Variants in PIEZO1 observed in about 807,000 individuals in gnomAD.
The protein encoded by PIEZO1 is piezo-type mechanosensitive ion channel component 1.
A neutral mutation model predicts 297.2 loss-of-function variants in PIEZO1; 296 were observed. That is an observed-to-expected ratio of 1.00 (90% CI 0.91 to 1.10). PIEZO1 has a LOEUF of 1.10. PIEZO1 is among the 50% of genes least tolerant of loss of function. PIEZO1 has a pLI of 0.00. For missense variants in PIEZO1, 5,018 were observed against 3,455.5 expected (o/e 1.45, Z -11.34); for synonymous variants, 2,427 against 1,507.5 (o/e 1.61, Z -14.13).
chr16:88,783,030 G>A (rs895958891), intron 1 of PIEZO1, among the ~76,000 whole-genome samples: 1 of 152,216 alleles, frequency 6.6e-6, no homozygotes, highest in African/African-American at 2.4e-5. Flanking sequence ...TTAGGTTTAA[G>A]GAAAGTACCA....
rs959317023 is a variant in PIEZO1 at position 88,784,821 on chromosome 16, G to A, written c.64+80C>T. The A allele has an allele frequency of 7.6e-5, 80 of 1,049,738 alleles. 2 individuals are homozygous for A. The highest frequency in any genetic ancestry group is 5.1e-5 in the South Asian group (3 of 58,376). 65.0% of individuals were successfully genotyped at this position (1,049,738 alleles called of 1,614,324 possible). On this transcript the variant is annotated intron_variant, in intron 1 of 50. Transcript: ENST00000301015. ...CTCGCCCGCAGCCCTCGCCCCGGCC[G>A]GCGTCGTCCGGTGTCCAGGCCGTGG...
At chr16:88,727,703 T>G in intron 22 of PIEZO1, 42 bp from the exon 23 acceptor site, 1 of 1,073,832 alleles carries the variant, frequency 9.3e-7, no homozygotes. Context: ...CGGGCCTGCC[T>G]GGGGCCTGAG....
intron 39 of PIEZO1, 110 bp downstream of exon 39, chr16:88,721,056 A>C (rs1912400520): frequency 8.8e-7 from 1 of 1,138,646 alleles, no homozygotes; most frequent in Non-Finnish European, 1.2e-6. Flanking sequence ...CCTGGGATCC[A>C]GGTGGGCCTC....
At chr16:88,739,434 C>G (rs1454866770) in intron 5 of PIEZO1, 1 of 152,262 alleles carries the variant, frequency 6.6e-6, no homozygotes, top group Non-Finnish European at 1.5e-5. Flanking sequence ...TGCCCTGGCT[C>G]TGGCCTGGCT....
At chr16:88,781,585 C>T (rs1200273848) in intron 1 of PIEZO1, among the ~76,000 whole-genome samples, 1 of 152,258 alleles carries the variant, frequency 6.6e-6, no homozygotes, top group African/African-American at 2.4e-5. Flanking sequence ...GGCCCCCAAG[C>T]CACAGAGGAA....
intron 12 of PIEZO1, 53 bp downstream of exon 12, chr16:88,736,095 C>G: frequency 6.7e-7 from 1 of 1,489,622 alleles, no homozygotes; most frequent in Non-Finnish European, 9.0e-7. Context: ...AGGACGACAA[C>G]CCTGATGGGT....
intron 16 of PIEZO1, 21 bp from the exon 17 acceptor site, chr16:88,734,075 G>A (rs1239497880): frequency 6.7e-7 from 1 of 1,488,582 alleles, no homozygotes; most frequent in Admixed American, 2.3e-5. Flanking sequence ...GTCCGAAAAT[G>A]TCATCTCCCA....
chr16:88,732,448 G>A lies in PIEZO1; in HGVS notation c.2878C>T (p.Pro960Ser). 6.5e-7 allele frequency: 1 copy of A among 1,549,566 alleles called. No individual in the cohort carries two copies. The highest frequency in any genetic ancestry group is 1.4e-5 in the African/African-American group (1 of 73,130). Residue 960 changes from proline to serine, a missense_variant, in exon 21 of 51, where the codon CCG (proline) becomes TCG (serine). By Grantham distance (74) the Pro-to-Ser change is moderately conservative. Coordinates refer to ENST00000301015, the MANE Select transcript of PIEZO1 (RefSeq NM_001142864.4). Reference sequence around the variant, plus strand: ...GCAAACACGGCCTGGGCAGGCAGCGGGGCCAGCTGGTGCTGCCGGCGGTAG... The same window carrying A: ...GCAAACACGGCCTGGGCAGGCAGCGAGGCCAGCTGGTGCTGCCGGCGGTAG... ...EHYRRQHQLAPLPAQAVFASG... is the reference protein window; with the variant it reads ...EHYRRQHQLASLPAQAVFASG...
At chr16:88,757,257 G>A (rs8047820) in intron 1 of PIEZO1, among the ~76,000 whole-genome samples, 26,779 of 147,434 alleles carry the variant, frequency 0.18, 2,538 homozygotes, top group Middle Eastern at 0.23. Flanking sequence ...GAGGGACCTC[G>A]AGAGAGCTGG....
At chr16:88,774,988 G>C (rs1907592988) in intron 1 of PIEZO1, among the ~76,000 whole-genome samples, 1 of 152,228 alleles carries the variant, frequency 6.6e-6, no homozygotes, top group African/African-American at 2.4e-5. Flanking sequence ...CTGGGAGGCA[G>C]GCTCACTTTG....
intron 1 of PIEZO1, among the ~76,000 whole-genome samples, chr16:88,759,785 G>C (rs1462447827): frequency 2.0e-5 from 3 of 152,180 alleles, no homozygotes; most frequent in Non-Finnish European, 4.4e-5. Context: ...GACGCCCCGT[G>C]CAGCGTTCAC....
intron 18 of PIEZO1, 58 bp downstream of exon 18, chr16:88,733,530 T>G: frequency 1.3e-6 from 2 of 1,527,698 alleles, no homozygotes; most frequent in Middle Eastern, 1.7e-4. Flanking sequence ...GGAGGCCAGC[T>G]GGGCAGGCCA....
rs1031839737 is a variant in PIEZO1, at chr16:88,725,747, G to A, written c.3969-63C>T. 110 of 845,738 alleles carry A rather than the reference G, an allele frequency of 1.3e-4. 1 individual carries two copies. Among genetic ancestry groups the A allele is most frequent in the East Asian group, 1.9e-4 (7 of 37,760 alleles). The allele number at this position is 845,738 out of a possible 1,614,324, so 52.4% of individuals were successfully genotyped here. ...CTCGACCCCAGCAACATGGGCAGCC[G>A]CCGCTCCCCGCTCAGCCCGGGACAG... is the stretch of plus-strand genomic sequence containing the variant. On this transcript the variant is annotated intron_variant, in intron 27 of 50. Transcript: ENST00000301015.
At chr16:88,722,110 A>T (rs1255698822) in intron 36 of PIEZO1, 44 bp from the exon 37 acceptor site, 2 of 1,530,292 alleles carry the variant, frequency 1.3e-6, no homozygotes, top group East Asian at 2.5e-5. Context: ...GGACTGCCCG[A>T]AGGCATGACG....
chr16:88,716,951 T>A, intron 45 of PIEZO1, 53 bp from the exon 46 acceptor site: 2 of 1,546,218 alleles, frequency 1.3e-6, no homozygotes, highest in Non-Finnish European at 1.7e-6. Context: ...GAGGAGCGGC[T>A]GGGGGTGGTG....
chr16:88,776,749 C>T (rs1907684051), intron 1 of PIEZO1, among the ~76,000 whole-genome samples: 1 of 152,214 alleles, frequency 6.6e-6, no homozygotes, highest in Non-Finnish European at 1.5e-5. Flanking sequence ...TGGGGCTGGA[C>T]CCTGGCTCGG....
At chr16:88,730,303 A>G (rs1227976570) in intron 22 of PIEZO1, among the ~76,000 whole-genome samples, 1 of 152,178 alleles carries the variant, frequency 6.6e-6, no homozygotes, top group African/African-American at 2.4e-5. Context: ...AGCAGAAAAC[A>G]AGACGGGGCC....
At chr16:88,744,129 CA>C (rs1321021144) in intron 2 of PIEZO1, 1 of 166,894 alleles carries the variant, frequency 6.0e-6, no homozygotes, top group African/African-American at 2.4e-5. Context: ...AGGAGGGCAC[CA>C]GCCAGGGGCC....
Position 88,737,976 on chromosome 16 carries a change from C to T in PIEZO1, c.978G>A (p.Thr326=), listed in dbSNP as rs1283081215. ...PGVLLLLCYA[T]ASLRKLRAYR... ...ACGCGCGGAGCTTGCGCAGAGAGGC[C>T]GTGGCGTAGCACAGCAGCAGGAGGA... The change falls in exon 8 of 51, where the codon ACG becomes ACA. Residue 326 remains threonine (T), a synonymous_variant. Coordinates refer to ENST00000301015, the MANE Select transcript of PIEZO1 (RefSeq NM_001142864.4). 7.2e-6 allele frequency: 11 copies of T among 1,534,036 alleles called. No individual in the cohort carries two copies. The highest frequency in any genetic ancestry group is 9.6e-6 in the Non-Finnish European group (11 of 1,145,934).
Sources: allele counts gnomAD v4.1 joint callset (sites outside exome capture counted in the v4.1 genomes callset), GRCh38; gene constraint gnomAD v4.1.1; transcripts MANE v1.5; gene names NCBI Gene and HGNC (gene_info 2026-07-23, HGNC 2026-07-21).